The following HECTD4 variants were observed in gnomAD, a reference collection of about 807,000 sequenced individuals.
HECTD4 encodes the protein HECT domain E3 ubiquitin protein ligase 4.
HECTD4 carries 114 observed loss-of-function variants against 471.5 expected under a neutral mutation model. That is an observed-to-expected ratio of 0.24 (90% confidence interval 0.21 to 0.28). The LOEUF is 0.28. Ranked by LOEUF, HECTD4 falls within the 10% of genes least tolerant of loss-of-function variation. The pLI, the probability that HECTD4 is intolerant of heterozygous loss-of-function variation, is 1.00. For missense variants in HECTD4, 3,866 were observed against 5,651.5 expected (o/e 0.68, Z 10.13); for synonymous variants, 2,012 against 2,256.0 (o/e 0.89, Z 3.07).
rs775656834 is a variant in HECTD4 at position 112,243,793 on chromosome 12, G to C, written c.4650-32C>G. ...GGAACACAGAACAGACTGGCAAGAC[G>C]AGAAACACACTCAGGGAGCTTGTTT... On this transcript the variant is annotated intron_variant, in intron 30 of 75. Transcript: ENST00000682272. The surrounding 1 kb of genome is among the most constrained non-coding windows in gnomAD (Gnocchi z 6.6). The C allele has an allele frequency of 2.5e-6, 4 of 1,609,564 alleles. No homozygotes were observed. Among genetic ancestry groups the C allele is most frequent in the Non-Finnish European group, 2.5e-6 (3 of 1,176,524 alleles).
rs759699831 is a variant in HECTD4, at chr12:112,212,664, C to T, written c.7466-14G>A. ...CTGCCACGTCACCTATAGCAGAGAA[C>T]GGGAAGGAAAACATATTTTCTCCCT... On this transcript the variant is annotated splice_polypyrimidine_tract_variant and intron_variant, in intron 48 of 75. Transcript: ENST00000682272. The T allele has an allele frequency of 5.4e-5, 86 of 1,578,330 alleles. No individual in the cohort carries two copies. In the East Asian group the frequency reaches 5.6e-4, roughly 10 times the overall value.
intron 1 of HECTD4, among the ~76,000 whole-genome samples, chr12:112,345,380 AAAAC>A (rs1452391267): frequency 6.6e-6 from 1 of 152,178 alleles, no homozygotes; most frequent in Admixed American, 6.6e-5. Flanking sequence ...CCTGTCTACA[AAAAC>A]AAACAAAACC....
rs1034123694 is a variant in HECTD4, at chr12:112,235,025, G to A, written c.5915+52C>T. 4 of 1,503,048 alleles carry A rather than the reference G, an allele frequency of 2.7e-6. No individual in the cohort carries two copies. The African/African-American group carries it at 4.2e-5, about 16-fold the overall frequency. 93.1% of individuals were successfully genotyped at this position (1,503,048 alleles called of 1,614,324 possible). A position where few individuals can be genotyped will look rare whatever the true frequency, so the allele number is the denominator to read the frequency against. On this transcript the variant is annotated intron_variant, in intron 37 of 75. Transcript: ENST00000682272. This position sits in a 1 kb window ranked among gnomAD's most constrained non-coding sequence, Gnocchi z 5.0. ...ACAGGGCTTACTTAGCACAGTGCCT[G>A]TGACATGGGTGGTGCTTGAGGATGT...
At position 112,270,455 on chromosome 12, in the gene HECTD4, C is replaced by T. The variant is rs1405048748; in HGVS notation, c.1947G>A (p.Glu649=). ...VSHIITEPKE[E]AITTNEVINQ... ...TTATAACCTCATTCGTGGTTATAGC[C>T]TCTTCTAGAAGATGAAAAGGAAACT... The change falls in exon 12 of 76, where the codon GAG becomes GAA. Residue 649 remains glutamate, a synonymous_variant. Coordinates refer to ENST00000682272, the MANE Select transcript of HECTD4 (RefSeq NM_001388303.1). 1.2e-6 allele frequency: 2 copies of T among 1,613,226 alleles called. No individual in the cohort carries two copies. Among genetic ancestry groups the T allele is most frequent in the Non-Finnish European group, 1.7e-6 (2 of 1,179,316 alleles).
At chr12:112,365,768 T>G (rs1274417535) in intron 1 of HECTD4, among the ~76,000 whole-genome samples, 2 of 116,696 alleles carry the variant, frequency 1.7e-5, no homozygotes, top group African/African-American at 6.3e-5. Context: ...TGTGTTTTTT[T>G]TTTGTTTTTT....
chr12:112,351,923 C>G (rs1054046672), intron 1 of HECTD4, among the ~76,000 whole-genome samples: 15 of 152,184 alleles, frequency 9.9e-5, no homozygotes, highest in Admixed American at 1.3e-4. Flanking sequence ...AAAACAAAGA[C>G]AGAATGAATA....
At chr12:112,246,005 G>A (rs1034849358) in intron 29 of HECTD4, among the ~76,000 whole-genome samples, 53 of 152,006 alleles carry the variant, frequency 3.5e-4, no homozygotes, top group Non-Finnish European at 1.8e-4. Context: ...GGTGGTGAGC[G>A]CCTGTAATCC....
intron 1 of HECTD4, among the ~76,000 whole-genome samples, chr12:112,347,821 T>G (rs1409307859): frequency 6.6e-6 from 1 of 152,206 alleles, no homozygotes; most frequent in Non-Finnish European, 1.5e-5. Context: ...AAGGACAGTA[T>G]GTTAGCCCAA....
At position 112,381,863 on chromosome 12, in the gene HECTD4, C is replaced by G. The variant is rs2036901126; in HGVS notation, c.177+89G>C. The G allele has an allele frequency of 1.1e-5, 11 of 977,318 alleles. No individual in the cohort carries two copies. The highest frequency in any genetic ancestry group is 1.4e-5 in the Non-Finnish European group (11 of 761,648). 60.5% of individuals were successfully genotyped at this position (977,318 alleles called of 1,614,324 possible). ...CCCCGGCAGCCGCCGGGAGGCGAGG[C>G]CGCGGCTGAGGCGAGGAGGGGGCCC... On this transcript the variant is annotated intron_variant, in intron 1 of 75. Coordinates refer to ENST00000682272, the MANE Select transcript of HECTD4 (RefSeq NM_001388303.1). This position sits in a 1 kb window ranked among gnomAD's most constrained non-coding sequence, Gnocchi z 4.1.
Position 112,188,736 on chromosome 12 carries a change from CT to C in HECTD4, c.9472+2049del, listed in dbSNP as rs1365698828. On this transcript the variant is annotated intron_variant, in intron 60 of 75. Transcript: ENST00000682272. This position sits in a 1 kb window ranked among gnomAD's most constrained non-coding sequence, Gnocchi z 4.2. ...GATCAAGCTTCCTGCTCTCTCAGGA[CT>C]GACACTGCTTGCGAATTCTGGTTGG... 1.3e-5 allele frequency among the ~76,000 whole-genome samples: 2 copies of C among 152,272 alleles called. No individual in the cohort carries two copies. Among genetic ancestry groups the C allele is most frequent in the African/African-American group, 4.8e-5 (2 of 41,478 alleles).
chr12:112,269,773 C>A lies in HECTD4; in HGVS notation c.2252G>T (p.Trp751Leu), dbSNP rs1177507762. Residue 751 changes from tryptophan to leucine, a missense_variant, in exon 13 of 76, where the codon TGG (tryptophan) becomes TTG (leucine). Around this residue, in one of 16 missense-constraint regions of HECTD4, gnomAD observed 525 missense variants for 672.6 expected, o/e 0.78. Transcript: ENST00000682272. ...ATCTTTTGGAGCCATCAACAACTGC[C>A]AAAGAAGCAATCCCGACCGTCGAAT... Reference protein sequence around the residue: ...DIIRRSGLLLWQLLMAPKDQI... With the variant: ...DIIRRSGLLLLQLLMAPKDQI... 1 of 1,613,822 alleles carries A rather than the reference C, an allele frequency of 6.2e-7. No homozygotes were observed. The highest frequency in any genetic ancestry group is 8.5e-7 in the Non-Finnish European group (1 of 1,179,870).
At position 112,239,676 on chromosome 12, in the gene HECTD4, C is replaced by T. The variant is rs2033592786; in HGVS notation, c.5105+205G>A. Among the ~76,000 whole-genome samples, 2 of 152,004 alleles carry T rather than the reference C, an allele frequency of 1.3e-5. No homozygotes were observed. The highest frequency in any genetic ancestry group is 4.2e-4 in the South Asian group (2 of 4,806). On this transcript the variant is annotated intron_variant, in intron 33 of 75. Coordinates refer to ENST00000682272, the MANE Select transcript of HECTD4 (RefSeq NM_001388303.1). The surrounding 1 kb of genome is among the most constrained non-coding windows in gnomAD (Gnocchi z 4.9). ...CTGTATCTTCACAATGTAATATAAC[C>T]CTAATGGCTGCATTTAGTCATGTTG...
chr12:112,163,301 G>C lies in HECTD4; in HGVS notation c.12898-37C>G. ...AGGTCCAGGTGTCAGGAGCCCTGGA[G>C]CCCCACCTACCCAGTGCCTCCCCAG... On this transcript the variant is annotated intron_variant, in intron 74 of 75. Coordinates refer to ENST00000682272, the MANE Select transcript of HECTD4 (RefSeq NM_001388303.1). The surrounding 1 kb of genome is among the most constrained non-coding windows in gnomAD (Gnocchi z 8.2). The C allele has an allele frequency of 6.4e-7, 1 of 1,559,040 alleles. No homozygotes were observed. Among genetic ancestry groups the C allele is most frequent in the Non-Finnish European group, 8.8e-7 (1 of 1,142,406 alleles).
rs775600699 is a variant in HECTD4 at position 112,183,304 on chromosome 12, T to G, written c.10780-38A>C. Reference sequence around the variant, plus strand: ...AGAACAGGGTCAGGATTTGAGTAGCTTGACCAGTCATTCAGTGTGAGTGAA... The same window carrying G: ...AGAACAGGGTCAGGATTTGAGTAGCGTGACCAGTCATTCAGTGTGAGTGAA... On this transcript the variant is annotated intron_variant, in intron 61 of 75. Coordinates refer to ENST00000682272, the MANE Select transcript of HECTD4 (RefSeq NM_001388303.1). The G allele has an allele frequency of 2.3e-5, 34 of 1,503,854 alleles. No homozygotes were observed. In the Admixed American group the frequency reaches 5.7e-4, roughly 25 times the overall value. 93.2% of individuals were successfully genotyped at this position (1,503,854 alleles called of 1,614,324 possible).
chr12:112,342,962 C>T (rs2135728140), intron 1 of HECTD4, among the ~76,000 whole-genome samples: 1 of 152,300 alleles, frequency 6.6e-6, no homozygotes, highest in South Asian at 2.1e-4. Context: ...ATTTATTACA[C>T]TGATGCACAT....
At chr12:112,337,960 A>G (rs2035988935) in intron 1 of HECTD4, among the ~76,000 whole-genome samples, 1 of 152,212 alleles carries the variant, frequency 6.6e-6, no homozygotes, top group Non-Finnish European at 1.5e-5. Flanking sequence ...AAAATGCATT[A>G]TATTAGTTTC....
chr12:112,239,379 CA>C lies in HECTD4; in HGVS notation c.5106-144del, dbSNP rs1195061462. The C allele has an allele frequency of 3.2e-5, 20 of 617,034 alleles. No homozygotes were observed. The East Asian group carries it at 5.2e-4, about 16-fold the overall frequency. 38.2% of individuals were successfully genotyped at this position (617,034 alleles called of 1,614,324 possible). On this transcript the variant is annotated intron_variant, in intron 33 of 75. Transcript: ENST00000682272. This position sits in a 1 kb window ranked among gnomAD's most constrained non-coding sequence, Gnocchi z 4.9. ...GGATACTGCCATGTGCAATCAAACA[CA>C]AAATGATTTTCTGATAATGATGATT...
chr12:112,270,098 T>C, intron 12 of HECTD4, 129 bp downstream of exon 12: 1 of 792,034 alleles, frequency 1.3e-6, no homozygotes, highest in Non-Finnish European at 2.0e-6. Context: ...AACTCCAGGA[T>C]CAGAAGGTGG....
chr12:112,320,353 A>C (rs2035559755), intron 1 of HECTD4, among the ~76,000 whole-genome samples: 3 of 151,824 alleles, frequency 2.0e-5, no homozygotes, highest in African/African-American at 7.2e-5. Context: ...TACTACAAAA[A>C]AAAAGGAAAA....
Sources: allele counts gnomAD v4.1 joint callset (sites outside exome capture counted in the v4.1 genomes callset), GRCh38; gene constraint gnomAD v4.1.1; regional missense constraint gnomAD v4.1.1; non-coding constraint Gnocchi (gnomAD v3.1); transcripts MANE v1.5; gene names NCBI Gene and HGNC (gene_info 2026-07-23, HGNC 2026-07-21).